TPO: variants seen among roughly 807,000 people sequenced by gnomAD.
TPO encodes the protein thyroid peroxidase.
Under a neutral mutation model 96.9 loss-of-function variants are expected in TPO, and 78 were observed. That is an observed-to-expected ratio of 0.81 (90% CI 0.67 to 0.97). The LOEUF (loss-of-function observed/expected upper bound fraction) is 0.97. Among genes scored for constraint, TPO ranks in the 50% least tolerant of loss-of-function variants. The pLI is 0.00. For missense variants in TPO, 1,252 were observed against 1,274.8 expected (o/e 0.98, Z 0.27); for synonymous variants, 547 against 538.0 (o/e 1.02, Z -0.23).
At chr2:1,415,874 C>G (rs1662907998) in intron 2 of TPO, among the ~76,000 whole-genome samples, 1 of 152,174 alleles carries the variant, frequency 6.6e-6, no homozygotes. Context: ...CTCAGGACTT[C>G]ACAACCATAT....
chr2:1,396,639 G>A (rs1573058829), intron 1 of TPO, among the ~76,000 whole-genome samples: 1 of 152,300 alleles, frequency 6.6e-6, no homozygotes, highest in African/African-American at 2.4e-5. Flanking sequence ...GATGCGTGAG[G>A]ATGGGCATCG....
At chr2:1,496,295 A>G in intron 12 of TPO, 98 bp downstream of exon 12, 1 of 1,424,264 alleles carries the variant, frequency 7.0e-7, no homozygotes, top group Non-Finnish European at 9.7e-7. Flanking sequence ...TTCACTGTTT[A>G]GAAAATAGTG....
chr2:1,490,427 C>T (rs112615814), intron 10 of TPO, among the ~76,000 whole-genome samples: 161 of 110,644 alleles, frequency 1.5e-3, no homozygotes, highest in East Asian at 3.0e-3. Flanking sequence ...GAGGGTCCCA[C>T]ACAGGGGGAG....
chr2:1,539,603 G>A (rs918337321), intron 15 of TPO, among the ~76,000 whole-genome samples: 21 of 152,150 alleles, frequency 1.4e-4, no homozygotes, highest in South Asian at 2.1e-4. Flanking sequence ...CTTTGCTGGC[G>A]GTGCTGGAAT....
rs111912025 is a variant in TPO, at chr2:1,394,913, G to A, written n.180+20511G>A. ...CAGGATGTGCCCCCACGTGATTCCA[G>A]GCTCCTAGTCACCGCGCAGGGCCTC... On this transcript the variant is annotated intron_variant and non_coding_transcript_variant, in intron 1 of 5. Transcript: ENST00000497517. 3.8e-3 allele frequency among the ~76,000 whole-genome samples: 583 copies of A among 152,238 alleles called. 1 individual carries two copies. The highest frequency in any genetic ancestry group is 0.013 in the African/African-American group (553 of 41,544).
At chr2:1,469,165 C>T (rs557873417) in intron 7 of TPO, among the ~76,000 whole-genome samples, 51 of 152,290 alleles carry the variant, frequency 3.3e-4, no homozygotes, top group South Asian at 1.9e-3. Flanking sequence ...CTGGTGCCTT[C>T]CTGATTAGCT....
intron 7 of TPO, among the ~76,000 whole-genome samples, chr2:1,467,671 G>A (rs571967792): frequency 6.6e-6 from 1 of 152,000 alleles, no homozygotes; most frequent in Non-Finnish European, 1.5e-5. Context: ...GCAGTTGTTG[G>A]GTAGAATGTT....
intron 10 of TPO, among the ~76,000 whole-genome samples, chr2:1,488,355 C>T (rs1573394699): frequency 6.6e-6 from 1 of 152,088 alleles, no homozygotes; most frequent in South Asian, 2.1e-4. Context: ...CTTCTCCTCC[C>T]CACCACAAGG....
chr2:1,541,039 G>C, intron 16 of TPO: 1 of 1,313,622 alleles, frequency 7.6e-7, no homozygotes, highest in African/African-American at 1.5e-5. Flanking sequence ...AGGAGAAGCT[G>C]AAGCAAAACC....
Position 1,487,939 on chromosome 2 carries a change from C to A in TPO, c.1716C>A (p.Thr572=). The A allele has an allele frequency of 6.2e-7, 1 of 1,614,126 alleles. No individual in the cohort carries two copies. Among genetic ancestry groups the A allele is most frequent in the African/African-American group, 1.3e-5 (1 of 75,052 alleles). Residue 572 remains threonine, a synonymous_variant, in exon 10 of 17, where the codon ACC becomes ACA. Transcript: ENST00000329066. The stretch of plus-strand genomic sequence containing the variant: ...TCTTTGTGCTGTCCAATTCCAGCAC[C>A]TTGGATCTGGCGTCCATCAACCTGC... ...ERLFVLSNSS[T]LDLASINLQR...
intron 14 of TPO, among the ~76,000 whole-genome samples, chr2:1,510,582 T>C (rs1674000994): frequency 6.6e-6 from 1 of 152,178 alleles, no homozygotes; most frequent in Admixed American, 6.5e-5. Context: ...AATTCGTGCC[T>C]AAGAGGGCTC....
Position 1,542,789 on chromosome 2 carries a change from TG to T in TPO, c.*317del, listed in dbSNP as rs1680903176. On this transcript the variant is annotated 3_prime_UTR_variant, in exon 17 of 17. Transcript: ENST00000329066. ...TTGCAATCCTCCTGTCTCCACCTTC[TG>T]GCATCTCTGATGCCGTGCTCGTCTG... 8.1e-6 allele frequency: 5 copies of T among 613,630 alleles called. No individual in the cohort carries two copies. The highest frequency in any genetic ancestry group is 1.9e-5 in the African/African-American group (1 of 53,840). 38.0% of individuals were successfully genotyped at this position (613,630 alleles called of 1,614,324 possible).
chr2:1,515,257 A>G (rs1558390832), intron 14 of TPO, among the ~76,000 whole-genome samples: 1 of 152,194 alleles, frequency 6.6e-6, no homozygotes, highest in Non-Finnish European at 1.5e-5. Flanking sequence ...GCAGATGGAA[A>G]CAAGAACCCA....
intron 2 of TPO, among the ~76,000 whole-genome samples, chr2:1,416,269 A>T (rs1662953375): frequency 6.6e-6 from 1 of 152,242 alleles, no homozygotes; most frequent in Admixed American, 6.5e-5. Flanking sequence ...ATCACCTGGA[A>T]CATGCTAGAT....
At chr2:1,483,659 T>G (rs1670851683) in intron 8 of TPO, among the ~76,000 whole-genome samples, 1 of 152,156 alleles carries the variant, frequency 6.6e-6, no homozygotes, top group African/African-American at 2.4e-5. Flanking sequence ...CACCAATGGA[T>G]GAACTAGCAC....
chr2:1,543,007 G>C lies in TPO; in HGVS notation c.*533G>C, dbSNP rs930364240. ...GCCTTAAGGACCAACAAGGCAAAGT[G>C]ACTTGTCTCATCCTCCAGAGATTCA... On this transcript the variant is annotated 3_prime_UTR_variant, in exon 17 of 17. Coordinates refer to ENST00000329066, the MANE Select transcript of TPO (RefSeq NM_001206744.2). 4 of 209,280 alleles carry C rather than the reference G, an allele frequency of 1.9e-5. No homozygotes were observed. Among genetic ancestry groups the C allele is most frequent in the Non-Finnish European group, 3.9e-5 (4 of 102,598 alleles). 13.0% of individuals were successfully genotyped at this position (209,280 alleles called of 1,614,324 possible).
At chr2:1,395,504 T>C (rs1662065985) in intron 1 of TPO, among the ~76,000 whole-genome samples, 1 of 152,336 alleles carries the variant, frequency 6.6e-6, no homozygotes, top group Non-Finnish European at 1.5e-5. Flanking sequence ...TATTTTTTGA[T>C]AGATTTAAGA....
intron 14 of TPO, among the ~76,000 whole-genome samples, chr2:1,505,755 C>T (rs982270466): frequency 6.6e-6 from 1 of 152,026 alleles, no homozygotes; most frequent in Non-Finnish European, 1.5e-5. Context: ...TCAACAGGCC[C>T]CAGTGTGTGC....
chr2:1,537,479 T>TCCC (rs1680052829), intron 15 of TPO, among the ~76,000 whole-genome samples: 1 of 33,218 alleles, frequency 3.0e-5, no homozygotes, highest in Non-Finnish European at 5.0e-5. Flanking sequence ...CTCAAATTCT[T>TCCC]CCACTCTGTG....
Sources: gnomAD v4.1 joint callset for allele counts (sites outside exome capture counted in the v4.1 genomes callset) on GRCh38, gnomAD v4.1.1 for gene constraint, MANE v1.5 for transcripts, NCBI Gene and HGNC (gene_info 2026-07-23, HGNC 2026-07-21) for gene names.